UNC5D: variants seen among roughly 807,000 people sequenced by gnomAD.
UNC5D encodes netrin receptor UNC5D.
In UNC5D, 39 loss-of-function variants were observed where a neutral mutation model predicts 105.4. The observed-to-expected ratio is 0.37, with a 90% CI of 0.29 to 0.48. The LOEUF is 0.48. Ranked by LOEUF, UNC5D falls within the 20% of genes least tolerant of loss-of-function variation. UNC5D has a pLI of 0.98. For missense variants in UNC5D, 991 were observed against 1,202.4 expected (o/e 0.82, Z 2.60); for synonymous variants, 452 against 450.4 (o/e 1.00, Z -0.04).
At chr8:35,497,049 A>G (rs1225158870) in intron 1 of UNC5D, among the ~76,000 whole-genome samples, 1 of 152,202 alleles carries the variant, frequency 6.6e-6, no homozygotes, top group Non-Finnish European at 1.5e-5. Context: ...TATGACCCAG[A>G]AGCCCTCATA....
At chr8:35,646,200 C>T (rs1012837848) in intron 4 of UNC5D, among the ~76,000 whole-genome samples, 5 of 152,098 alleles carry the variant, frequency 3.3e-5, no homozygotes, top group Non-Finnish European at 5.9e-5. Context: ...AAAACATAAT[C>T]TCTGCTTTCA....
intron 1 of UNC5D, among the ~76,000 whole-genome samples, chr8:35,488,275 G>C (rs1427262616): frequency 6.6e-6 from 1 of 152,164 alleles, no homozygotes; most frequent in African/African-American, 2.4e-5. Context: ...TGGGACTAAA[G>C]GTTACAGAGA....
intron 4 of UNC5D, among the ~76,000 whole-genome samples, chr8:35,622,066 G>A (rs1012477835): frequency 4.6e-5 from 7 of 151,976 alleles, no homozygotes; most frequent in Non-Finnish European, 1.0e-4. Flanking sequence ...AGAGGGGGCC[G>A]GGCGCGGTGG....
chr8:35,624,875 A>G (rs549509613), intron 4 of UNC5D, among the ~76,000 whole-genome samples: 3 of 152,324 alleles, frequency 2.0e-5, no homozygotes, highest in Admixed American at 2.0e-4. Context: ...TCACATATAT[A>G]TGTGACTACA....
intron 1 of UNC5D, among the ~76,000 whole-genome samples, chr8:35,389,271 G>A (rs1803619255): frequency 6.6e-6 from 1 of 152,082 alleles, no homozygotes; most frequent in South Asian, 2.1e-4. Context: ...TGTTATTTGT[G>A]GCCCTCTAAA....
intron 11 of UNC5D, among the ~76,000 whole-genome samples, chr8:35,737,454 TA>T (rs1176100723): frequency 6.7e-6 from 1 of 149,524 alleles, no homozygotes; most frequent in African/African-American, 2.5e-5. Context: ...TTCCAGGGAA[TA>T]AACATAGCTC....
intron 4 of UNC5D, among the ~76,000 whole-genome samples, chr8:35,681,482 G>A (rs979287500): frequency 3.9e-5 from 6 of 152,208 alleles, no homozygotes; most frequent in African/African-American, 1.4e-4. Flanking sequence ...ACAAATGGAT[G>A]GCTCTGAAAT....
At chr8:35,407,993 T>C (rs1308841952) in intron 1 of UNC5D, among the ~76,000 whole-genome samples, 2 of 152,120 alleles carry the variant, frequency 1.3e-5, no homozygotes, top group African/African-American at 2.4e-5. Context: ...CTATTGTTAG[T>C]AGTGCTGCAA....
chr8:35,732,246 A>G (rs538841658), intron 11 of UNC5D, among the ~76,000 whole-genome samples: 10 of 152,312 alleles, frequency 6.6e-5, no homozygotes, highest in South Asian at 4.1e-4. Context: ...TTGGTACTCA[A>G]TGGTTTTAAC....
chr8:35,692,085 C>A (rs1011847530), intron 7 of UNC5D, among the ~76,000 whole-genome samples: 6 of 152,176 alleles, frequency 3.9e-5, no homozygotes, highest in African/African-American at 1.4e-4. Flanking sequence ...GTCAGTTCAA[C>A]ATTGACAGTT....
intron 1 of UNC5D, among the ~76,000 whole-genome samples, chr8:35,431,259 G>A (rs190116557): frequency 7.9e-5 from 12 of 152,226 alleles, no homozygotes; most frequent in East Asian, 7.7e-4. Context: ...GTTCATTTGA[G>A]GATGTCCATG....
At chr8:35,543,161 T>C (rs1240524712) in intron 1 of UNC5D, among the ~76,000 whole-genome samples, 1 of 152,174 alleles carries the variant, frequency 6.6e-6, no homozygotes, top group Non-Finnish European at 1.5e-5. Flanking sequence ...TGCTTTTTGG[T>C]ATGGTCCCTG....
chr8:35,530,812 A>G (rs1378084156), intron 1 of UNC5D, among the ~76,000 whole-genome samples: 1 of 145,442 alleles, frequency 6.9e-6, no homozygotes, highest in African/African-American at 2.7e-5. Context: ...CATTTCTTCT[A>G]GATTTTCTAG....
chr8:35,240,291 C>T (rs1563241901), intron 1 of UNC5D, among the ~76,000 whole-genome samples: 1 of 152,146 alleles, frequency 6.6e-6, no homozygotes, highest in Non-Finnish European at 1.5e-5. Flanking sequence ...GGCATAAGAC[C>T]TATTATCATG....
chr8:35,704,523 TCA>T (rs1827417001), intron 7 of UNC5D, among the ~76,000 whole-genome samples: 1 of 152,212 alleles, frequency 6.6e-6, no homozygotes, highest in Non-Finnish European at 1.5e-5. Flanking sequence ...CTCACATGGC[TCA>T]CCTTCGGGCA....
chr8:35,695,108 A>G (rs1162287178), intron 7 of UNC5D, among the ~76,000 whole-genome samples: 3 of 152,228 alleles, frequency 2.0e-5, no homozygotes, highest in Non-Finnish European at 4.4e-5. Context: ...TTTGAGCAGT[A>G]ATTTGAGAAA....
chr8:35,235,827 C>T lies in UNC5D; in HGVS notation c.43C>T (p.Arg15Cys), dbSNP rs1401526412. 2.4e-6 allele frequency: 3 copies of T among 1,230,312 alleles called. No individual in the cohort carries two copies. The highest frequency in any genetic ancestry group is 3.0e-6 in the Non-Finnish European group (3 of 986,706). 76.2% of individuals were successfully genotyped at this position (1,230,312 alleles called of 1,614,324 possible). A position where few individuals can be genotyped will look rare whatever the true frequency, so the allele number is the denominator to read the frequency against. Residue 15 changes from arginine (R) to cysteine (C), a missense_variant, in exon 1 of 17, where the codon CGC becomes TGC. By Grantham distance (180) the Arg-to-Cys change is radical (BLOSUM62 -3). Transcript: ENST00000404895. ...CACCGCAGGCGGCGGCGGAGGGGCG[C>T]GCCGCTGGCTCCCGTGGCTGGGGCT... ...AATAGGGGGA[R>C]RWLPWLGLCF...
At chr8:35,723,358 C>G (rs1828684520) in intron 9 of UNC5D, among the ~76,000 whole-genome samples, 1 of 152,154 alleles carries the variant, frequency 6.6e-6, no homozygotes, top group Admixed American at 6.5e-5. Context: ...AAAAGAGACA[C>G]ATCCCCTACA....
chr8:35,438,800 T>G (rs1333422838), intron 1 of UNC5D, among the ~76,000 whole-genome samples: 1 of 151,916 alleles, frequency 6.6e-6, no homozygotes, highest in Non-Finnish European at 1.5e-5. Flanking sequence ...GCTAAAGAAT[T>G]TAGGATATCA....
Sources: gnomAD v4.1 joint callset for allele counts (sites outside exome capture counted in the v4.1 genomes callset) on GRCh38, gnomAD v4.1.1 for gene constraint, MANE v1.5 for transcripts, NCBI Gene and HGNC (gene_info 2026-07-23, HGNC 2026-07-21) for gene names.